Variants in PDE4D observed in about 807,000 individuals in gnomAD.
PDE4D encodes 3',5'-cyclic-AMP phosphodiesterase 4D.
Under a neutral mutation model 87.4 loss-of-function variants are expected in PDE4D, and 24 were observed. The observed-to-expected ratio is 0.27, with a 90% CI of 0.20 to 0.39. The LOEUF is 0.39. Among genes scored for constraint, PDE4D ranks in the 10% least tolerant of loss-of-function variants. The probability of loss-of-function intolerance (pLI) is 1.00; values close to 1 mark genes in which losing one functional copy is unlikely to be tolerated. For synonymous variants in PDE4D, 384 were observed against 383.2 expected (o/e 1.00, Z -0.02); for missense variants, 714 against 1,041.0 (o/e 0.69, Z 4.32).
chr5:59,913,974 T>C (rs758196944), intron 3 of PDE4D, among the ~76,000 whole-genome samples: 7 of 152,158 alleles, frequency 4.6e-5, no homozygotes, highest in Non-Finnish European at 1.0e-4. Flanking sequence ...ATCATATCTC[T>C]ATTTCACCTT....
rs972242936 is a variant in PDE4D, at chr5:59,601,923, C to T, written c.455+291245G>A. On this transcript the variant is annotated intron_variant, in intron 1 of 14. Coordinates refer to ENST00000340635, the MANE Select transcript of PDE4D (RefSeq NM_001104631.2). ...GTGGAATACTTCCAAACTCATTTTA[C>T]GAATCTAGCATTGCCCTGATACCAA... 4.6e-5 allele frequency among the ~76,000 whole-genome samples: 7 copies of T among 152,072 alleles called. 1 individual carries two copies. The highest frequency in any genetic ancestry group is 1.3e-4 in the Admixed American group (2 of 15,242).
intron 2 of PDE4D, among the ~76,000 whole-genome samples, chr5:60,148,788 G>C (rs1781239359): frequency 6.6e-6 from 1 of 152,102 alleles, no homozygotes; most frequent in African/African-American, 2.4e-5. Context: ...GGCATAGTTG[G>C]CATTTTTATT....
chr5:59,730,890 A>C (rs1757275259), intron 1 of PDE4D, among the ~76,000 whole-genome samples: 1 of 152,170 alleles, frequency 6.6e-6, no homozygotes, highest in Non-Finnish European at 1.5e-5. Flanking sequence ...TACCCCTAAC[A>C]TAATAGTATA....
intron 1 of PDE4D, among the ~76,000 whole-genome samples, chr5:60,371,609 C>T (rs758114507): frequency 3.7e-4 from 56 of 152,192 alleles, no homozygotes; most frequent in Non-Finnish European, 6.3e-4. Context: ...TGAACACAGT[C>T]AGGTAATAAA....
intron 1 of PDE4D, among the ~76,000 whole-genome samples, chr5:59,375,008 C>A (rs542221849): frequency 4.6e-5 from 7 of 152,258 alleles, no homozygotes; most frequent in Non-Finnish European, 8.8e-5. Flanking sequence ...TACAACATAC[C>A]AGAACCTCTG....
chr5:59,616,797 T>C (rs926211352), intron 1 of PDE4D, among the ~76,000 whole-genome samples: 1 of 151,280 alleles, frequency 6.6e-6, no homozygotes, highest in Non-Finnish European at 1.5e-5. Flanking sequence ...TCCTATTCTA[T>C]GCATTTCAAG....
At chr5:59,919,786 G>T (rs905560027) in intron 3 of PDE4D, among the ~76,000 whole-genome samples, 2 of 152,100 alleles carry the variant, frequency 1.3e-5, no homozygotes, top group Non-Finnish European at 2.9e-5. Context: ...TTTTCAAATT[G>T]GTTTTACATG....
At chr5:60,404,483 T>A (rs1741373876) in intron 1 of PDE4D, among the ~76,000 whole-genome samples, 1 of 152,196 alleles carries the variant, frequency 6.6e-6, no homozygotes, top group Non-Finnish European at 1.5e-5. Flanking sequence ...AGAGCAGCAC[T>A]CTCTACAAGA....
chr5:60,049,453 A>G (rs1769797207), intron 2 of PDE4D, among the ~76,000 whole-genome samples: 1 of 152,014 alleles, frequency 6.6e-6, no homozygotes, highest in African/African-American at 2.4e-5. Context: ...TGCTTTTTAG[A>G]GTTTCCAGTT....
intron 1 of PDE4D, among the ~76,000 whole-genome samples, chr5:59,716,785 C>T (rs1314425172): frequency 6.6e-6 from 1 of 152,132 alleles, no homozygotes; most frequent in Non-Finnish European, 1.5e-5. Context: ...CTTTTGGGTA[C>T]TGAAAAGTTT....
chr5:59,509,058 A>C (rs1340955462), intron 1 of PDE4D, among the ~76,000 whole-genome samples: 1 of 151,976 alleles, frequency 6.6e-6, no homozygotes, highest in African/African-American at 2.4e-5. Context: ...AGACACCAAC[A>C]CTCATATTTA....
At chr5:60,001,221 TG>T (rs1326882610) in intron 2 of PDE4D, among the ~76,000 whole-genome samples, 1 of 152,164 alleles carries the variant, frequency 6.6e-6, no homozygotes, top group Non-Finnish European at 1.5e-5. Flanking sequence ...ATAACAGGTC[TG>T]CCATTGGTGG....
intron 1 of PDE4D, among the ~76,000 whole-genome samples, chr5:59,751,371 G>C (rs1760430134): frequency 6.6e-6 from 1 of 152,132 alleles, no homozygotes; most frequent in Non-Finnish European, 1.5e-5. Context: ...AAGTAGAAGA[G>C]CAGTAGCTAG....
chr5:60,261,916 TC>T (rs1749683800), intron 1 of PDE4D, among the ~76,000 whole-genome samples: 1 of 151,942 alleles, frequency 6.6e-6, no homozygotes, highest in South Asian at 2.1e-4. Flanking sequence ...GGAAGTGAAA[TC>T]CCCCTGTGAC....
At chr5:60,486,385 G>A (rs1749142214) in intron 1 of PDE4D, among the ~76,000 whole-genome samples, 1 of 152,090 alleles carries the variant, frequency 6.6e-6, no homozygotes, top group Admixed American at 6.5e-5. Flanking sequence ...AAGTAAATGT[G>A]TTTCTAAAGG....
intron 1 of PDE4D, among the ~76,000 whole-genome samples, chr5:59,603,109 G>T (rs1209255122): frequency 3.9e-4 from 59 of 151,818 alleles, no homozygotes; most frequent in Admixed American, 3.9e-3. Flanking sequence ...ATGATTTTTT[G>T]AACATGACTC....
intron 3 of PDE4D, among the ~76,000 whole-genome samples, chr5:59,188,373 A>G (rs2153482513): frequency 6.6e-6 from 1 of 152,238 alleles, no homozygotes; most frequent in East Asian, 1.9e-4. Flanking sequence ...TTTACAGAAA[A>G]ATTTTAGACA....
At chr5:59,741,964 G>T (rs1758903922) in intron 1 of PDE4D, among the ~76,000 whole-genome samples, 1 of 152,074 alleles carries the variant, frequency 6.6e-6, no homozygotes, top group African/African-American at 2.4e-5. Context: ...CAAACATATT[G>T]TTGAGAATGG....
chr5:59,896,844 C>G (rs1347919618), upstream of PDE4D, among the ~76,000 whole-genome samples: 1 of 152,178 alleles, frequency 6.6e-6, no homozygotes, highest in Non-Finnish European at 1.5e-5. Context: ...ATATTGAGCA[C>G]TCCCAGCCTT....
Sources: gnomAD v4.1 joint callset for allele counts (sites outside exome capture counted in the v4.1 genomes callset) on GRCh38, gnomAD v4.1.1 for gene constraint, MANE v1.5 for transcripts, NCBI Gene and HGNC (gene_info 2026-07-23, HGNC 2026-07-21) for gene names.